Variants in LY9 observed in about 807,000 individuals in gnomAD.
LY9 encodes lymphocyte antigen 9, also known as T-lymphocyte surface antigen Ly-9.
In LY9, 59 loss-of-function variants were observed where a neutral mutation model predicts 64.6. That is an observed-to-expected ratio of 0.91 (90% CI 0.74 to 1.13). The LOEUF is 1.13. LY9 is among the 50% of genes most tolerant of loss of function. LY9 has a pLI of 0.00. For missense variants in LY9, 789 were observed against 797.2 expected (o/e 0.99, Z 0.12); for synonymous variants, 281 against 308.5 (o/e 0.91, Z 0.93).
At chr1:160,809,190 TTC>T (rs869154701) in intron 2 of LY9, among the ~76,000 whole-genome samples, 80 of 128,488 alleles carry the variant, frequency 6.2e-4, no homozygotes, top group South Asian at 9.8e-4. Flanking sequence ...GGTATATGCA[TTC>T]TTTTTTTTTT....
chr1:160,816,483 T>G, intron 4 of LY9, 111 bp from the exon 5 acceptor site: 1 of 1,279,524 alleles, frequency 7.8e-7, no homozygotes, highest in Non-Finnish European at 1.1e-6. Flanking sequence ...GGAGGCACTT[T>G]GCCGGCAGTA....
intron 2 of LY9, chr1:160,800,306 C>A (rs773340414): frequency 6.1e-6 from 3 of 491,950 alleles, no homozygotes; most frequent in African/African-American, 1.9e-5. Flanking sequence ...TATGTTTGTA[C>A]CCTTTAACCC....
chr1:160,813,384 C>T, intron 2 of LY9: 1 of 531,012 alleles, frequency 1.9e-6, no homozygotes, highest in Non-Finnish European at 3.4e-6. Flanking sequence ...GGAGTTCTTA[C>T]ACTGGTCGGG....
intron 1 of LY9, chr1:160,797,195 G>C (rs1665971432): frequency 1.0e-6 from 1 of 985,370 alleles, no homozygotes; most frequent in Admixed American, 6.2e-5. Context: ...CCCCAGAGAG[G>C]ATCTCAGCCA....
At chr1:160,821,802 A>G (rs1668469902) in intron 7 of LY9, among the ~76,000 whole-genome samples, 1 of 152,328 alleles carries the variant, frequency 6.6e-6, no homozygotes, top group South Asian at 2.1e-4. Context: ...GTATTGAGCG[A>G]AAGAGAAAGA....
chr1:160,797,396 G>GC (rs1204263432), intron 1 of LY9: 1 of 487,006 alleles, frequency 2.1e-6, no homozygotes, highest in East Asian at 1.5e-4. Context: ...CTGAGGTCCA[G>GC]TCTGACCTCT....
At position 160,799,898 on chromosome 1, in the gene LY9, A is replaced by G. The variant is rs781029756; in HGVS notation, c.270A>G (p.Ala90=). 1.2e-6 allele frequency: 2 copies of G among 1,614,184 alleles called. No individual in the cohort carries two copies. Among genetic ancestry groups the G allele is most frequent in the South Asian group, 2.2e-5 (2 of 91,082 alleles). The stretch of plus-strand genomic sequence containing the variant: ...GTCCCAAAAATGCTCTTGCTTTCGC[A>G]CGTCCCAAAGAAAATGTAACCATTA... The part of the protein sequence containing the change: ...WIGPKNALAF[A]RPKENVTIMV... Residue 90 remains alanine (A), a synonymous_variant, in exon 2 of 10, where the codon GCA becomes GCG. Coordinates refer to ENST00000263285, the MANE Select transcript of LY9 (RefSeq NM_002348.4).
intron 2 of LY9, 50 bp from the exon 3 acceptor site, chr1:160,813,586 T>C: frequency 6.3e-7 from 1 of 1,577,334 alleles, no homozygotes; most frequent in South Asian, 1.2e-5. Flanking sequence ...CTCAGCGCTT[T>C]CCTGCTGGCA....
intron 2 of LY9, among the ~76,000 whole-genome samples, chr1:160,804,436 ATCC>A (rs1237770280): frequency 1.3e-5 from 2 of 152,094 alleles, no homozygotes; most frequent in African/African-American, 4.8e-5. Flanking sequence ...CCTGGGATAA[ATCC>A]CACTTGATCA....
intron 2 of LY9, among the ~76,000 whole-genome samples, chr1:160,805,580 A>C (rs1163266730): frequency 6.6e-6 from 1 of 152,164 alleles, no homozygotes; most frequent in Non-Finnish European, 1.5e-5. Context: ...CAACTGTTGG[A>C]TAGAATGTTC....
At chr1:160,797,214 T>C (rs1263095326) in intron 1 of LY9, 1 of 985,414 alleles carries the variant, frequency 1.0e-6, no homozygotes, top group Non-Finnish European at 1.2e-6. Context: ...CACCTGGGAC[T>C]GTGGCAGCTA....
chr1:160,823,695 C>G lies in LY9; in HGVS notation c.1729C>G (p.Pro577Ala). 3 of 1,614,108 alleles carry G rather than the reference C, an allele frequency of 1.9e-6. No homozygotes were observed. Among genetic ancestry groups the G allele is most frequent in the Non-Finnish European group, 2.5e-6 (3 of 1,180,010 alleles). Residue 577 changes from proline to alanine, a missense_variant, in exon 8 of 10, where the codon CCT becomes GCT. Transcript: ENST00000263285. ...GGAGGGCGCTGGACATGACCCAGCC[C>G]CTGAGGGCCAAGCAGACTATGATCC... ...TQEGAGHDPA[P>A]EGQADYDPVT...
chr1:160,820,069 G>A (rs1668293321), intron 7 of LY9, among the ~76,000 whole-genome samples: 2 of 152,150 alleles, frequency 1.3e-5, no homozygotes, highest in East Asian at 3.8e-4. Flanking sequence ...AGGGTTCCTT[G>A]GGCATTAGCC....
At chr1:160,819,860 G>GGAGGGAGC (rs1321272908) in intron 7 of LY9, among the ~76,000 whole-genome samples, 4 of 91,188 alleles carry the variant, frequency 4.4e-5, no homozygotes, top group South Asian at 5.1e-4. Flanking sequence ...AGGAAGGGAG[G>GGAGGGAGC]GAGGGAGGGA....
chr1:160,824,562 C>T (rs1489174827), intron 9 of LY9: 3 of 984,728 alleles, frequency 3.0e-6, no homozygotes, highest in Non-Finnish European at 3.6e-6. Context: ...CTATCTCTAA[C>T]CCTAATCCTA....
At chr1:160,800,182 A>C in intron 2 of LY9, 100 bp downstream of exon 2, 1 of 849,692 alleles carries the variant, frequency 1.2e-6, no homozygotes, top group Non-Finnish European at 1.9e-6. Context: ...TATAGTGCAT[A>C]CTGATCAAGT....
intron 6 of LY9, among the ~76,000 whole-genome samples, chr1:160,819,064 G>C (rs1258585526): frequency 6.6e-6 from 1 of 152,148 alleles, no homozygotes; most frequent in Non-Finnish European, 1.5e-5. Context: ...CTGATCAGTG[G>C]CTATGGCAGA....
chr1:160,802,024 C>T (rs1023565693), intron 2 of LY9: 1 of 1,472,018 alleles, frequency 6.8e-7, no homozygotes, highest in Non-Finnish European at 9.0e-7. Flanking sequence ...GGCCCAGTGC[C>T]ACTGCCCCCC....
chr1:160,805,125 C>G (rs540104955), intron 2 of LY9, among the ~76,000 whole-genome samples: 1 of 151,860 alleles, frequency 6.6e-6, no homozygotes, highest in Non-Finnish European at 1.5e-5. Context: ...TTTATTATTT[C>G]TTTTCTTCTA....
Sources: allele counts gnomAD v4.1 joint callset (sites outside exome capture counted in the v4.1 genomes callset), GRCh38; gene constraint gnomAD v4.1.1; transcripts MANE v1.5; gene names NCBI Gene and HGNC (gene_info 2026-07-23, HGNC 2026-07-21).